The following GCSAML variants were observed in gnomAD, a reference collection of about 807,000 sequenced individuals.
The protein encoded by GCSAML is germinal center associated signaling and motility like.
A neutral mutation model predicts 13.0 loss-of-function variants in GCSAML; 9 were observed. That is an observed-to-expected ratio of 0.69 (90% CI 0.42 to 1.21). GCSAML has a LOEUF of 1.21. Among genes scored for constraint, GCSAML ranks in the 50% most tolerant of loss-of-function variants. The probability of loss-of-function intolerance (pLI) is 0.00; values close to 1 mark genes in which losing one functional copy is unlikely to be tolerated. For missense variants in GCSAML, 143 were observed against 153.4 expected (o/e 0.93, Z 0.36); for synonymous variants, 37 against 52.9 (o/e 0.70, Z 1.31).
upstream of GCSAML, chr1:247,549,032 C>A: frequency 2.6e-6 from 4 of 1,566,178 alleles, no homozygotes; most frequent in Non-Finnish European, 3.4e-6. Context: ...CCTGCCTTCT[C>A]TATCATGCGC....
chr1:247,508,593 A>G (rs1665907876), intron 1 of GCSAML, among the ~76,000 whole-genome samples: 1 of 152,154 alleles, frequency 6.6e-6, no homozygotes, highest in Admixed American at 6.5e-5. Context: ...GCCCATGCCT[A>G]TGTCCTGAAT....
intron 2 of GCSAML, chr1:247,531,063 C>G (rs897802488): frequency 6.3e-6 from 1 of 159,300 alleles, no homozygotes; most frequent in Middle Eastern, 3.2e-3. Context: ...AGGCCTGGGC[C>G]GAGCGGGGGA....
chr1:247,516,498 A>G (rs990898344), intron 1 of GCSAML, among the ~76,000 whole-genome samples: 2 of 150,872 alleles, frequency 1.3e-5, no homozygotes, highest in African/African-American at 4.9e-5. Flanking sequence ...CTCATAATAG[A>G]TTCAGTTTCT....
intron 1 of GCSAML, among the ~76,000 whole-genome samples, chr1:247,554,750 ATAGT>A (rs1667896757): frequency 1.3e-5 from 2 of 152,074 alleles, no homozygotes. Context: ...TTACTGCTTG[ATAGT>A]TGGAGAAATC....
rs1476337871 is a variant in GCSAML at position 247,575,976 on chromosome 1, A to G, written c.*1594A>G. On this transcript the variant is annotated 3_prime_UTR_variant, in exon 5 of 5. Transcript: ENST00000366488. ...TTGTATAGTTACAGTATACGAGTTG[A>G]GTATCCCTTAGATGAGATGCTTGGG... The G allele has an allele frequency of 1.3e-5, 2 of 152,196 alleles. No individual in the cohort carries two copies. The highest frequency in any genetic ancestry group is 2.9e-5 in the Non-Finnish European group (2 of 68,040). The allele number at this position is 152,196 out of a possible 1,614,324, so 9.4% of individuals were successfully genotyped here. A position where few individuals can be genotyped will look rare whatever the true frequency, so the allele number is the denominator to read the frequency against.
chr1:247,518,904 G>A (rs7530722), intron 1 of GCSAML, among the ~76,000 whole-genome samples: 29,824 of 151,918 alleles, frequency 0.2, 3,048 homozygotes, highest in South Asian at 0.3. Context: ...CGGGAGGATC[G>A]CTTGAGACCA....
chr1:247,542,973 A>C (rs1384145583), intron 2 of GCSAML, among the ~76,000 whole-genome samples: 1 of 152,018 alleles, frequency 6.6e-6, no homozygotes, highest in East Asian at 1.9e-4. Flanking sequence ...GCTGTAGACC[A>C]GAATAATATG....
chr1:247,559,658 T>C (rs1274808993), intron 2 of GCSAML, among the ~76,000 whole-genome samples: 1 of 152,212 alleles, frequency 6.6e-6, no homozygotes, highest in Non-Finnish European at 1.5e-5. Context: ...CGAAGTACCA[T>C]AGACTGGGTG....
At chr1:247,535,403 A>G (rs1667179295) in intron 2 of GCSAML, among the ~76,000 whole-genome samples, 1 of 152,216 alleles carries the variant, frequency 6.6e-6, no homozygotes, top group Non-Finnish European at 1.5e-5. Context: ...GAGAGAGAAA[A>G]GATGAACTGG....
At position 247,509,271 on chromosome 1, in the gene GCSAML, G is replaced by T. The variant is rs867363993; in HGVS notation, c.-263+2038G>T. On this transcript the variant is annotated intron_variant, in intron 1 of 5. Transcript: ENST00000366489. ...ATTTTTTATTCTCTTTGTAGCAATT[G>T]TGAATGGGAGTTCACTCATAATTTG... Among the ~76,000 whole-genome samples the T allele has an allele frequency of 8.5e-5, 13 of 152,224 alleles. No homozygotes were observed. In the South Asian group the frequency reaches 1.9e-3, roughly 22 times the overall value.
intron 1 of GCSAML, among the ~76,000 whole-genome samples, chr1:247,555,799 C>T (rs772295562): frequency 1.2e-4 from 19 of 152,188 alleles, no homozygotes; most frequent in African/African-American, 3.6e-4. Flanking sequence ...GTGTTAACCA[C>T]GCAAATCACC....
chr1:247,542,504 C>T (rs1015037967), intron 2 of GCSAML, among the ~76,000 whole-genome samples: 2 of 152,184 alleles, frequency 1.3e-5, no homozygotes, highest in Admixed American at 1.3e-4. Flanking sequence ...TTTAAATGTA[C>T]TTTGAGTGTC....
intron 1 of GCSAML, 96 bp downstream of exon 1, chr1:247,549,316 G>A (rs1667690000): frequency 6.4e-6 from 7 of 1,086,698 alleles, no homozygotes; most frequent in Non-Finnish European, 9.5e-6. Context: ...GGTACATTGT[G>A]CTTCTAGAAG....
chr1:247,523,606 T>C (rs1214770357), intron 1 of GCSAML, among the ~76,000 whole-genome samples: 1 of 152,202 alleles, frequency 6.6e-6, no homozygotes, highest in East Asian at 1.9e-4. Flanking sequence ...TTTCCAGACA[T>C]TAATTTAAAA....
At chr1:247,558,949 T>TA (rs1334672532) in intron 2 of GCSAML, among the ~76,000 whole-genome samples, 5 of 152,348 alleles carry the variant, frequency 3.3e-5, no homozygotes, top group Admixed American at 6.5e-5. Flanking sequence ...TAGATTTTAT[T>TA]AAAGTCTTCT....
chr1:247,518,638 G>T (rs954186269), intron 1 of GCSAML: 1 of 152,306 alleles, frequency 6.6e-6, no homozygotes, highest in African/African-American at 2.4e-5. Context: ...CCGCGATTTC[G>T]TGTGGTCCGC....
At chr1:247,564,206 A>G (rs1668250841) in intron 3 of GCSAML, among the ~76,000 whole-genome samples, 1 of 152,136 alleles carries the variant, frequency 6.6e-6, no homozygotes, top group South Asian at 2.1e-4. Flanking sequence ...TGCTGGGATT[A>G]CAGGCGTGAG....
intron 1 of GCSAML, among the ~76,000 whole-genome samples, chr1:247,552,878 A>G (rs888631414): frequency 1.3e-5 from 2 of 151,882 alleles, no homozygotes; most frequent in African/African-American, 4.8e-5. Context: ...GCCTCAGCCT[A>G]CCGAGTAGCT....
rs1338835645 is a variant in GCSAML, at chr1:247,516,503, G to A, written c.-263+9270G>A. On this transcript the variant is annotated intron_variant, in intron 1 of 5. Coordinates refer to the GCSAML transcript ENST00000366489. ...ATACAACATGCTCATAATAGATTCAGTTTCTAAAGTGTCCCTTAAACTGGT... is the reference window on the plus strand; with the variant it reads ...ATACAACATGCTCATAATAGATTCAATTTCTAAAGTGTCCCTTAAACTGGT... 8.7e-5 allele frequency among the ~76,000 whole-genome samples: 13 copies of A among 149,860 alleles called. No homozygotes were observed. In the East Asian group the frequency reaches 2.5e-3, roughly 29 times the overall value.
Sources: gnomAD v4.1 joint callset for allele counts (sites outside exome capture counted in the v4.1 genomes callset) on GRCh38, gnomAD v4.1.1 for gene constraint, MANE v1.5 for transcripts, NCBI Gene and HGNC (gene_info 2026-07-23, HGNC 2026-07-21) for gene names.